Variants in METTL15 observed in about 807,000 individuals in gnomAD.
METTL15 encodes the protein 12S rRNA N(4)-cytidine methyltransferase METTL15.
METTL15 carries 34 observed loss-of-function variants against 38.3 expected under a neutral mutation model. That is an observed-to-expected ratio of 0.89 (90% CI 0.68 to 1.18). The LOEUF (loss-of-function observed/expected upper bound fraction) is 1.18, where lower values mean the gene tolerates loss of function less well. Among genes scored for constraint, METTL15 ranks in the 50% most tolerant of loss-of-function variants. The probability of loss-of-function intolerance (pLI) is 0.00; values close to 1 mark genes in which losing one functional copy is unlikely to be tolerated. For synonymous variants in METTL15, 162 were observed against 170.9 expected (o/e 0.95, Z 0.41); for missense variants, 438 against 498.4 (o/e 0.88, Z 1.15).
At chr11:28,435,784 T>C (rs958797762) in intron 6 of METTL15, among the ~76,000 whole-genome samples, 8 of 152,222 alleles carry the variant, frequency 5.3e-5, no homozygotes, top group Non-Finnish European at 1.0e-4. Flanking sequence ...TTTTGCATAG[T>C]AGAGAAACCC....
At chr11:28,156,582 A>G (rs1044293029) in intron 3 of METTL15, among the ~76,000 whole-genome samples, 4 of 152,098 alleles carry the variant, frequency 2.6e-5, no homozygotes, top group African/African-American at 9.7e-5. Flanking sequence ...TTTTCTTCTG[A>G]AGTGTTAAAA....
intron 4 of METTL15, among the ~76,000 whole-genome samples, chr11:28,282,222 A>G (rs964974481): frequency 4.6e-5 from 7 of 152,164 alleles, no homozygotes; most frequent in South Asian, 2.1e-4. Context: ...ACAGACTCCT[A>G]TTTGGTCTCT....
chr11:28,466,820 T>G (rs2133460035), intron 6 of METTL15, among the ~76,000 whole-genome samples: 1 of 152,290 alleles, frequency 6.6e-6, no homozygotes, highest in East Asian at 1.9e-4. Flanking sequence ...CAGAAGCATT[T>G]AGGCTCCATG....
chr11:28,463,127 T>C (rs1851229597), intron 6 of METTL15, among the ~76,000 whole-genome samples: 1 of 152,156 alleles, frequency 6.6e-6, no homozygotes, highest in Non-Finnish European at 1.5e-5. Context: ...GTATCACAGA[T>C]ATGTAAACAT....
At chr11:28,250,569 A>ATTTT (rs773425054) in intron 4 of METTL15, among the ~76,000 whole-genome samples, 98 of 148,078 alleles carry the variant, frequency 6.6e-4, no homozygotes, top group African/African-American at 2.3e-3. Flanking sequence ...CTTTTTTTAA[A>ATTTT]AAAAAAAATG....
In METTL15 at chr11:28,233,926, G is replaced by T. The variant is rs571027137; in HGVS notation, c.407+22728G>T. Among the ~76,000 whole-genome samples the T allele has an allele frequency of 2.1e-3, 313 of 151,320 alleles. 3 individuals carry two copies. Among genetic ancestry groups the T allele is most frequent in the African/African-American group, 7.4e-3 (306 of 41,138 alleles). ...CCATTAACTCGTCATTTAGCATTAGGTATATCTCCTAATGCTATCCCTCCC... is the reference window on the plus strand; with the variant it reads ...CCATTAACTCGTCATTTAGCATTAGTTATATCTCCTAATGCTATCCCTCCC... On this transcript the variant is annotated intron_variant, in intron 4 of 6. Coordinates refer to ENST00000407364, the MANE Select transcript of METTL15 (RefSeq NM_001113528.2).
intron 3 of METTL15, among the ~76,000 whole-genome samples, chr11:28,171,374 AG>A (rs1188224744): frequency 6.6e-6 from 1 of 152,092 alleles, no homozygotes; most frequent in African/African-American, 2.4e-5. Context: ...TCCATGATAG[AG>A]GCAATATTAC....
At chr11:28,111,610 G>A (rs1023551147) in intron 2 of METTL15, among the ~76,000 whole-genome samples, 5 of 152,176 alleles carry the variant, frequency 3.3e-5, no homozygotes, top group African/African-American at 1.2e-4. Context: ...TGGAGATTGA[G>A]TTCAGGCTCT....
At position 28,364,676 on chromosome 11, in the gene METTL15, T is replaced by C. The variant is rs79089404; in HGVS notation, c.*358+2640T>C. Among the ~76,000 whole-genome samples, 1,295 of 152,282 alleles carry C rather than the reference T, an allele frequency of 8.5e-3. 95 individuals are homozygous for C. The East Asian group carries it at 0.19, about 23-fold the overall frequency. Reference sequence around the variant, plus strand: ...TTTCTACTTGGATGCCTTTTATTTCTCTTGCCTGATTCCCCTGACTAGGAC... The same window carrying C: ...TTTCTACTTGGATGCCTTTTATTTCCCTTGCCTGATTCCCCTGACTAGGAC... On this transcript the variant is annotated intron_variant and NMD_transcript_variant, in intron 5 of 7. Transcript: ENST00000532947.
chr11:28,156,923 C>G, intron 3 of METTL15, among the ~76,000 whole-genome samples: 1 of 152,158 alleles, frequency 6.6e-6, no homozygotes, highest in East Asian at 1.9e-4. Context: ...AAAACAGACA[C>G]TTTAAATTGT....
chr11:28,397,378 C>A (rs1438738215), intron 5 of METTL15, among the ~76,000 whole-genome samples: 1 of 152,138 alleles, frequency 6.6e-6, no homozygotes, highest in African/African-American at 2.4e-5. Context: ...CTACAATGAA[C>A]TCCAACAAAT....
intron 3 of METTL15, among the ~76,000 whole-genome samples, chr11:28,115,302 A>G (rs960956894): frequency 2.0e-5 from 3 of 149,270 alleles, no homozygotes; most frequent in South Asian, 4.2e-4. Context: ...CTTGTTGCCC[A>G]GGCTGGAGTG....
intron 4 of METTL15, among the ~76,000 whole-genome samples, chr11:28,218,605 AG>A (rs1276099457): frequency 6.6e-6 from 1 of 152,044 alleles, no homozygotes; most frequent in African/African-American, 2.4e-5. Flanking sequence ...GTTGAATAGG[AG>A]TAGTGAGAGA....
intron 3 of METTL15, among the ~76,000 whole-genome samples, chr11:28,197,866 A>G (rs1851967246): frequency 6.6e-6 from 1 of 152,084 alleles, no homozygotes; most frequent in African/African-American, 2.4e-5. Flanking sequence ...ATTGCTTATG[A>G]GAAGAATTTA....
chr11:28,323,578 C>T (rs1794512958), intron 6 of METTL15, among the ~76,000 whole-genome samples: 1 of 152,046 alleles, frequency 6.6e-6, no homozygotes. Context: ...CAGGACCATG[C>T]CAAGGTTCAG....
Position 28,493,172 on chromosome 11 carries a change from TCTC to T in METTL15, c.*425-33303_*425-33301del, listed in dbSNP as rs1248875092. On this transcript the variant is annotated intron_variant and NMD_transcript_variant, in intron 6 of 7. Transcript: ENST00000532947. ...AGATCTGACAAATCATGCCCATTGC[TCTC>T]CTTTTTCTTAACATCCAATGCAAAG... 2.0e-5 allele frequency among the ~76,000 whole-genome samples: 3 copies of T among 152,224 alleles called. No individual in the cohort carries two copies. In the East Asian group the frequency reaches 5.8e-4, roughly 29 times the overall value.
intron 6 of METTL15, among the ~76,000 whole-genome samples, chr11:28,525,322 A>C (rs1334457458): frequency 6.6e-6 from 1 of 152,148 alleles, no homozygotes; most frequent in Non-Finnish European, 1.5e-5. Context: ...CTGTTTTGAC[A>C]GGGTGCTGAT....
chr11:28,339,581 C>G (rs1482336025), intron 3 of METTL15, among the ~76,000 whole-genome samples: 1 of 149,350 alleles, frequency 6.7e-6, no homozygotes, highest in Non-Finnish European at 1.5e-5. Flanking sequence ...AATGAGAAGT[C>G]TAACTCAGGT....
intron 3 of METTL15, among the ~76,000 whole-genome samples, chr11:28,195,870 T>C (rs1371596939): frequency 6.6e-6 from 1 of 152,104 alleles, no homozygotes; most frequent in Non-Finnish European, 1.5e-5. Flanking sequence ...TCAGTCTGTC[T>C]TGAGTTGGTC....
Sources: allele counts gnomAD v4.1 joint callset (sites outside exome capture counted in the v4.1 genomes callset), GRCh38; gene constraint gnomAD v4.1.1; transcripts MANE v1.5; gene names NCBI Gene and HGNC (gene_info 2026-07-23, HGNC 2026-07-21).